The following MDGA2 variants were observed in gnomAD, a reference collection of about 807,000 sequenced individuals.
MDGA2 encodes the protein MAM domain-containing glycosylphosphatidylinositol anchor protein 2.
Under a neutral mutation model 117.8 loss-of-function variants are expected in MDGA2, and 40 were observed. The ratio of observed to expected loss-of-function variants is 0.34; its 90% CI spans 0.26 to 0.44. The LOEUF (loss-of-function observed/expected upper bound fraction) is 0.44, where lower values mean the gene tolerates loss of function less well. Ranked by LOEUF, MDGA2 falls within the 20% of genes least tolerant of loss-of-function variation. The pLI is 1.00. For missense variants in MDGA2, 1,123 were observed against 1,250.6 expected, an observed-to-expected ratio of 0.90 and a Z score of 1.54; for synonymous variants, 452 against 439.0, an observed-to-expected ratio of 1.03 and a Z score of -0.37.
chr14:46,849,574 C>T (rs2933213), intron 15 of MDGA2, among the ~76,000 whole-genome samples: 59,803 of 151,374 alleles, frequency 0.4, 13,209 homozygotes, highest in East Asian at 0.64. Context: ...AAGTAATGTG[C>T]CTTAGCCAAA....
intron 9 of MDGA2, among the ~76,000 whole-genome samples, chr14:46,926,763 A>G (rs1884348752): frequency 6.6e-6 from 1 of 152,190 alleles, no homozygotes; most frequent in Non-Finnish European, 1.5e-5. Flanking sequence ...AATGATATAA[A>G]TTTATTTTAT....
intron 7 of MDGA2, among the ~76,000 whole-genome samples, chr14:47,044,988 G>A (rs1889206065): frequency 6.6e-6 from 1 of 152,108 alleles, no homozygotes; most frequent in Non-Finnish European, 1.5e-5. Context: ...CATTCAATCA[G>A]GAAAACAGGT....
intron 1 of MDGA2, among the ~76,000 whole-genome samples, chr14:47,417,995 G>A (rs1892507670): frequency 6.6e-6 from 1 of 152,050 alleles, no homozygotes; most frequent in Non-Finnish European, 1.5e-5. Flanking sequence ...TTATAGGTGT[G>A]AGCCACTGCA....
intron 1 of MDGA2, among the ~76,000 whole-genome samples, chr14:47,362,703 C>T (rs774699573): frequency 2.6e-5 from 4 of 152,040 alleles, no homozygotes; most frequent in Non-Finnish European, 4.4e-5. Flanking sequence ...TTTAACACAA[C>T]ATTTCAAATT....
At position 47,349,312 on chromosome 14, in the gene MDGA2, A is replaced by G. The variant is rs149163115; in HGVS notation, c.281-47762T>C. On this transcript the variant is annotated intron_variant, in intron 1 of 16. Transcript: ENST00000399232. ...ATGTTTAACCTGGGCTGAGTCATTCAAAGAGATCAAATGGGTTTAACCTCT... is the reference window on the plus strand; with the variant it reads ...ATGTTTAACCTGGGCTGAGTCATTCGAAGAGATCAAATGGGTTTAACCTCT... Among the ~76,000 whole-genome samples the G allele has an allele frequency of 5.2e-3, 799 of 152,348 alleles. 10 individuals are homozygous for G. The highest frequency in any genetic ancestry group is 0.019 in the African/African-American group (770 of 41,580).
chr14:47,386,834 A>G (rs1017935559), intron 1 of MDGA2, among the ~76,000 whole-genome samples: 7 of 152,252 alleles, frequency 4.6e-5, no homozygotes, highest in African/African-American at 1.7e-4. Flanking sequence ...GCCTGGCTTC[A>G]GATTCTGCTC....
At chr14:47,254,497 A>G (rs950514381) in intron 2 of MDGA2, among the ~76,000 whole-genome samples, 1 of 152,148 alleles carries the variant, frequency 6.6e-6, no homozygotes, top group Non-Finnish European at 1.5e-5. Context: ...CCTCATCTTC[A>G]TCTGAGATCA....
chr14:47,407,934 A>G (rs1387946459), intron 1 of MDGA2, among the ~76,000 whole-genome samples: 1 of 152,180 alleles, frequency 6.6e-6, no homozygotes, highest in Non-Finnish European at 1.5e-5. Flanking sequence ...TAGTAGGAAG[A>G]ATAATGATTT....
At chr14:47,054,079 T>C (rs534706554) in intron 7 of MDGA2, among the ~76,000 whole-genome samples, 81 of 152,044 alleles carry the variant, frequency 5.3e-4, no homozygotes, top group Middle Eastern at 6.8e-3. Flanking sequence ...ACTGCCCTTT[T>C]ATGAGAGAGA....
intron 1 of MDGA2, among the ~76,000 whole-genome samples, chr14:47,348,563 T>C (rs1160612659): frequency 6.6e-6 from 1 of 152,052 alleles, no homozygotes; most frequent in East Asian, 1.9e-4. Flanking sequence ...AGAAATTAAA[T>C]ATAATTGCTT....
intron 1 of MDGA2, among the ~76,000 whole-genome samples, chr14:47,449,012 T>C (rs1458582055): frequency 1.1e-4 from 17 of 152,136 alleles, no homozygotes; most frequent in Admixed American, 1.1e-3. Context: ...AAACAGATGA[T>C]AATAGGTGAA....
intron 9 of MDGA2, among the ~76,000 whole-genome samples, chr14:46,946,191 C>T (rs1385173560): frequency 1.3e-5 from 2 of 152,104 alleles, no homozygotes; most frequent in Non-Finnish European, 1.5e-5. Flanking sequence ...TATAGCTTCA[C>T]TCATTGAATA....
At chr14:47,639,959 A>C (rs1192627437) in intron 1 of MDGA2, among the ~76,000 whole-genome samples, 1 of 152,200 alleles carries the variant, frequency 6.6e-6, no homozygotes, top group African/African-American at 2.4e-5. Flanking sequence ...TAAGCCCAGT[A>C]CTTGGTAAAG....
At chr14:47,506,488 C>T (rs1894515213) in intron 1 of MDGA2, among the ~76,000 whole-genome samples, 1 of 152,142 alleles carries the variant, frequency 6.6e-6, no homozygotes, top group Admixed American at 6.5e-5. Context: ...GTATGTTTCT[C>T]TCTCTTTTCC....
At chr14:47,458,353 C>A (rs1893407478) in intron 1 of MDGA2, among the ~76,000 whole-genome samples, 1 of 152,180 alleles carries the variant, frequency 6.6e-6, no homozygotes, top group African/African-American at 2.4e-5. Context: ...AAAATCATTG[C>A]CAAGACCAAT....
intron 4 of MDGA2, among the ~76,000 whole-genome samples, chr14:47,136,920 C>A (rs566419707): frequency 1.3e-5 from 2 of 152,240 alleles, no homozygotes; most frequent in South Asian, 4.1e-4. Context: ...CATAGCAGAG[C>A]TGAACAGTCA....
At chr14:47,488,014 G>T (rs1308021871) in intron 1 of MDGA2, among the ~76,000 whole-genome samples, 1 of 152,040 alleles carries the variant, frequency 6.6e-6, no homozygotes, top group Non-Finnish European at 1.5e-5. Context: ...TTGAATGCAG[G>T]CTGTCTTGTA....
At chr14:47,670,108 T>C (rs1475668709) in intron 1 of MDGA2, among the ~76,000 whole-genome samples, 1 of 152,168 alleles carries the variant, frequency 6.6e-6, no homozygotes, top group African/African-American at 2.4e-5. Flanking sequence ...TTAAATTGTA[T>C]GAGATTTACT....
At chr14:47,209,961 G>A (rs1268512024) in intron 3 of MDGA2, among the ~76,000 whole-genome samples, 3 of 152,068 alleles carry the variant, frequency 2.0e-5, no homozygotes, top group Non-Finnish European at 2.9e-5. Flanking sequence ...GGTTTGTCAC[G>A]TTTCCAGAAT....
Sources: gnomAD v4.1 joint callset for allele counts (sites outside exome capture counted in the v4.1 genomes callset) on GRCh38, gnomAD v4.1.1 for gene constraint, MANE v1.5 for transcripts, NCBI Gene and HGNC (gene_info 2026-07-23, HGNC 2026-07-21) for gene names.